Variants in CERS6 observed in about 807,000 individuals in gnomAD.
CERS6 encodes LAG1 homolog, ceramide synthase 6.
CERS6 carries 26 observed loss-of-function variants against 56.8 expected under a neutral mutation model. The ratio of observed to expected loss-of-function variants is 0.46; its 90% confidence interval spans 0.34 to 0.63. The LOEUF is 0.63. Ranked by LOEUF, CERS6 falls within the 30% of genes least tolerant of loss-of-function variation. CERS6 has a pLI of 0.01. For missense variants in CERS6, 415 were observed against 467.5 expected (o/e 0.89, Z 1.04); for synonymous variants, 164 against 173.3 (o/e 0.95, Z 0.42).
intron 4 of CERS6, among the ~76,000 whole-genome samples, chr2:168,663,525 G>A (rs2105330959): frequency 6.6e-6 from 1 of 152,176 alleles, no homozygotes; most frequent in East Asian, 1.9e-4. Flanking sequence ...TGGGATTATA[G>A]GCATGAGCCA....
chr2:168,755,622 G>A (rs536409191), intron 8 of CERS6, among the ~76,000 whole-genome samples: 92 of 152,246 alleles, frequency 6.0e-4, no homozygotes, highest in African/African-American at 2.0e-3. Context: ...AATACAAATT[G>A]TCCCAGCCTC....
intron 6 of CERS6, among the ~76,000 whole-genome samples, chr2:168,706,020 C>A (rs1301116169): frequency 6.6e-6 from 1 of 152,294 alleles, no homozygotes; most frequent in East Asian, 1.9e-4. Context: ...TAAAGACTTT[C>A]ATCTCCAGGC....
intron 3 of CERS6, among the ~76,000 whole-genome samples, chr2:168,605,286 G>T (rs575467315): frequency 6.6e-6 from 1 of 152,308 alleles, no homozygotes; most frequent in African/African-American, 2.4e-5. Flanking sequence ...ATGGTTTAGG[G>T]TATGTGGTGG....
intron 4 of CERS6, among the ~76,000 whole-genome samples, chr2:168,674,665 T>C (rs1686008657): frequency 6.6e-6 from 1 of 152,206 alleles, no homozygotes; most frequent in Non-Finnish European, 1.5e-5. Context: ...AGCGGCACAG[T>C]GGCTTAAGGG....
chr2:168,503,915 T>G (rs1301985896), intron 1 of CERS6, among the ~76,000 whole-genome samples: 1 of 152,174 alleles, frequency 6.6e-6, no homozygotes, highest in African/African-American at 2.4e-5. Flanking sequence ...AGAAACCCTC[T>G]AAGCTGTTTC....
chr2:168,456,556 G>A lies in CERS6; in HGVS notation c.108G>A (p.Glu36=), dbSNP rs551300537. 1.2e-6 allele frequency: 2 copies of A among 1,614,092 alleles called. No individual in the cohort carries two copies. The highest frequency in any genetic ancestry group is 2.2e-5 in the South Asian group (2 of 91,084). The part of the protein sequence containing the change: ...NTEEATFPQA[E]DLYLAFPLAF... Reference sequence around the variant, plus strand: ...AGGAGGCCACCTTCCCGCAGGCTGAGGACCTCTATCTCGCTTTTCCCCTGG... The same window carrying A: ...AGGAGGCCACCTTCCCGCAGGCTGAAGACCTCTATCTCGCTTTTCCCCTGG... The change falls in exon 1 of 10, where the codon GAG becomes GAA. Residue 36 remains glutamate, a synonymous_variant. Coordinates refer to ENST00000305747, the MANE Select transcript of CERS6 (RefSeq NM_203463.3). The surrounding 1 kb of genome is among the most constrained non-coding windows in gnomAD (Gnocchi z 4.1).
chr2:168,769,223 A>C (rs1377585841), intron 9 of CERS6, among the ~76,000 whole-genome samples: 1 of 152,208 alleles, frequency 6.6e-6, no homozygotes. Context: ...CTTTTTGATT[A>C]CAAGTGGGAT....
intron 4 of CERS6, among the ~76,000 whole-genome samples, chr2:168,633,830 A>G (rs1684802959): frequency 1.3e-5 from 2 of 152,350 alleles, no homozygotes; most frequent in South Asian, 4.1e-4. Flanking sequence ...TCAATACAGC[A>G]TAAATTTGTC....
intron 4 of CERS6, among the ~76,000 whole-genome samples, chr2:168,639,538 A>G (rs768076507): frequency 1.1e-3 from 175 of 152,186 alleles, no homozygotes; most frequent in Non-Finnish European, 1.9e-3. Flanking sequence ...CCTCATCAAC[A>G]ACAATAATGA....
chr2:168,525,580 T>C (rs60894461), intron 1 of CERS6, among the ~76,000 whole-genome samples: 3,312 of 152,334 alleles, frequency 0.022, 120 homozygotes, highest in African/African-American at 0.075. Flanking sequence ...ATGACGAGGC[T>C]TGAGGAAATT....
chr2:168,673,444 C>T (rs1160049274), intron 4 of CERS6, among the ~76,000 whole-genome samples: 3 of 152,190 alleles, frequency 2.0e-5, no homozygotes, highest in Non-Finnish European at 4.4e-5. Flanking sequence ...CCTATGATGT[C>T]AAGTTTCCAT....
At chr2:168,760,361 C>T (rs771315718) in intron 8 of CERS6, among the ~76,000 whole-genome samples, 23 of 152,046 alleles carry the variant, frequency 1.5e-4, no homozygotes, top group Non-Finnish European at 1.5e-5. Flanking sequence ...GCCAGTCTCG[C>T]GTTTCCCATG....
chr2:168,741,749 G>A (rs1015336081), intron 8 of CERS6, among the ~76,000 whole-genome samples: 1 of 152,182 alleles, frequency 6.6e-6, no homozygotes, highest in Non-Finnish European at 1.5e-5. Context: ...AGGCAGGCAT[G>A]CTGTAAAGAT....
At chr2:168,545,187 A>G (rs1325384993) in intron 1 of CERS6, among the ~76,000 whole-genome samples, 2 of 152,170 alleles carry the variant, frequency 1.3e-5, no homozygotes, top group Non-Finnish European at 2.9e-5. Context: ...GTACATATAT[A>G]ATTATAATAA....
chr2:168,557,635 A>G (rs1397044486), intron 2 of CERS6, among the ~76,000 whole-genome samples: 1 of 152,200 alleles, frequency 6.6e-6, no homozygotes, highest in Non-Finnish European at 1.5e-5. Context: ...TATGTATTCC[A>G]AATGTACTAA....
chr2:168,759,922 G>A (rs868774568), intron 8 of CERS6, among the ~76,000 whole-genome samples: 53 of 150,226 alleles, frequency 3.5e-4, no homozygotes, highest in Middle Eastern at 3.4e-3. Flanking sequence ...TATGTGTTTT[G>A]TTTGGCCCAC....
At chr2:168,746,785 A>G (rs1296283308) in intron 8 of CERS6, among the ~76,000 whole-genome samples, 3 of 75,688 alleles carry the variant, frequency 4.0e-5, no homozygotes, top group African/African-American at 1.1e-4. Flanking sequence ...GTATATATAT[A>G]TATATATATA....
At chr2:168,680,765 A>C (rs1207933512) in intron 4 of CERS6, among the ~76,000 whole-genome samples, 4 of 152,222 alleles carry the variant, frequency 2.6e-5, no homozygotes, top group African/African-American at 9.6e-5. Context: ...AGGATGCTGC[A>C]AGAAGACCCT....
At chr2:168,631,606 T>A (rs13024634) in intron 4 of CERS6, among the ~76,000 whole-genome samples, 8,184 of 47,954 alleles carry the variant, frequency 0.17, 18 homozygotes, top group East Asian at 0.28. Context: ...ATTAAATATA[T>A]AATATATTTA....
Sources: allele counts gnomAD v4.1 joint callset (sites outside exome capture counted in the v4.1 genomes callset), GRCh38; gene constraint gnomAD v4.1.1; non-coding constraint Gnocchi (gnomAD v3.1); transcripts MANE v1.5; gene names NCBI Gene and HGNC (gene_info 2026-07-23, HGNC 2026-07-21).